Variants in ADGRD1 observed in about 807,000 individuals in gnomAD.
ADGRD1 encodes G-protein coupled receptor 133.
ADGRD1 carries 77 observed loss-of-function variants against 113.4 expected under a neutral mutation model. The observed-to-expected ratio is 0.68, with a 90% CI of 0.57 to 0.82. ADGRD1 has a LOEUF of 0.82. Among genes scored for constraint, ADGRD1 ranks in the 40% least tolerant of loss-of-function variants. The pLI is 0.00. For missense variants in ADGRD1, 1,036 were observed against 1,139.1 expected, an observed-to-expected ratio of 0.91 and a Z score of 1.30; for synonymous variants, 474 against 475.0, an observed-to-expected ratio of 1.00 and a Z score of 0.03.
chr12:131,076,935 T>A, intron 14 of ADGRD1, 61 bp downstream of exon 14: 1 of 1,356,166 alleles, frequency 7.4e-7, no homozygotes, highest in Non-Finnish European at 1.1e-6. Flanking sequence ...GCCCGCCCCA[T>A]GCCAGCCCAG....
intron 11 of ADGRD1, among the ~76,000 whole-genome samples, chr12:131,005,635 C>T (rs1876988098): frequency 6.6e-6 from 1 of 152,020 alleles, no homozygotes; most frequent in Admixed American, 6.6e-5. Flanking sequence ...TGCAGGGGCT[C>T]TGAGACTGTG....
At position 131,005,983 on chromosome 12, in the gene ADGRD1, G is replaced by A. The variant is rs1438361387; in HGVS notation, c.1267G>A (p.Val423Ile). 12 of 1,611,496 alleles carry A rather than the reference G, an allele frequency of 7.4e-6. No homozygotes were observed. The highest frequency in any genetic ancestry group is 5.3e-5 in the African/African-American group (4 of 74,896). Residue 423 changes from valine (V) to isoleucine (I), a missense_variant, in exon 12 of 25, where the codon GTC becomes ATC. Physicochemically the swap from Val to Ile is conservative, Grantham distance 29. Coordinates refer to ENST00000261654, the MANE Select transcript of ADGRD1 (RefSeq NM_198827.5). ...TGCTCTCTCTGCAGCCTGGAGCACC[G>A]TCGTGGGTCTGCTGTACCACAGCAT... ...EAFHRHAWST[V>I]VGLLYHSMHY...
rs888425136 is a variant in ADGRD1, at chr12:131,015,444, A to G, written c.1473+1104A>G. Among the ~76,000 whole-genome samples, 10 of 148,510 alleles carry G rather than the reference A, an allele frequency of 6.7e-5. 1 individual carries two copies. Among genetic ancestry groups the G allele is most frequent in the African/African-American group, 2.3e-4 (9 of 39,090 alleles). ...GACGGGACTGGATATAGAGATGGAG[A>G]TGGAGAGGGGACTGGAGATGTTGGA... On this transcript the variant is annotated intron_variant, in intron 13 of 24. Coordinates refer to ENST00000261654, the MANE Select transcript of ADGRD1 (RefSeq NM_198827.5).
chr12:130,984,349 C>G lies in ADGRD1; in HGVS notation c.490+2286C>G, dbSNP rs1432730129. 6.6e-6 allele frequency among the ~76,000 whole-genome samples: 1 copy of G among 152,222 alleles called. No individual in the cohort carries two copies. Among genetic ancestry groups the G allele is most frequent in the African/African-American group, 2.4e-5 (1 of 41,450 alleles). On this transcript the variant is annotated intron_variant, in intron 5 of 24. Coordinates refer to ENST00000261654, the MANE Select transcript of ADGRD1 (RefSeq NM_198827.5). The surrounding 1 kb of genome is among the most constrained non-coding windows in gnomAD (Gnocchi z 4.1). ...GGGGCAGCCGCCCTTCCACGCACTGCAGTCAGCACAGAAGCCACGTCCTCA... is the reference window on the plus strand; with the variant it reads ...GGGGCAGCCGCCCTTCCACGCACTGGAGTCAGCACAGAAGCCACGTCCTCA...
chr12:131,107,493 C>T (rs1342040746), intron 17 of ADGRD1, among the ~76,000 whole-genome samples: 3 of 151,030 alleles, frequency 2.0e-5, no homozygotes, highest in Non-Finnish European at 4.4e-5. Context: ...TCCCAGAGAC[C>T]CGTGTCTGAA....
intron 12 of ADGRD1, among the ~76,000 whole-genome samples, chr12:131,008,793 G>C (rs12304731): frequency 0.077 from 11,796 of 152,284 alleles, 1,321 homozygotes; most frequent in African/African-American, 0.25. Flanking sequence ...CCTGCTCCCA[G>C]TCCTCCTGTG....
chr12:131,101,378 T>TTC (rs1950079389), intron 15 of ADGRD1, among the ~76,000 whole-genome samples: 1 of 9,976 alleles, frequency 1.0e-4, no homozygotes, highest in African/African-American at 2.5e-4. Context: ...TCTTTCTTTC[T>TTC]TTTTTTTTTT....
intron 9 of ADGRD1, among the ~76,000 whole-genome samples, chr12:131,001,454 G>A (rs1876381773): frequency 6.6e-6 from 1 of 152,094 alleles, no homozygotes; most frequent in South Asian, 2.1e-4. Flanking sequence ...ACTTATATAT[G>A]TATTCAACAG....
Position 131,139,474 on chromosome 12 carries a change from C to G in ADGRD1, c.*211C>G. On this transcript the variant is annotated 3_prime_UTR_variant, in exon 25 of 25. Coordinates refer to ENST00000261654, the MANE Select transcript of ADGRD1 (RefSeq NM_198827.5). ...GATGCCCAGGCCAGCGTGGGCCCTC[C>G]TGCCTTGCATCCACCCGTGGGCTGA... 1 of 555,928 alleles carries G rather than the reference C, an allele frequency of 1.8e-6. No individual in the cohort carries two copies. Among genetic ancestry groups the G allele is most frequent in the Non-Finnish European group, 3.3e-6 (1 of 307,114 alleles). The allele number at this position is 555,928 out of a possible 1,614,324, so 34.4% of individuals were successfully genotyped here.
chr12:130,959,506 G>C (rs964473931), intron 2 of ADGRD1, among the ~76,000 whole-genome samples: 3 of 152,284 alleles, frequency 2.0e-5, no homozygotes, highest in Non-Finnish European at 4.4e-5. Context: ...AGAAGTTTAA[G>C]GCTGCAGTGA....
chr12:130,994,292 C>T (rs1011797871), intron 8 of ADGRD1: 1 of 446,768 alleles, frequency 2.2e-6, no homozygotes, highest in African/African-American at 2.0e-5. Flanking sequence ...AATACGAACA[C>T]TCTTGTTTTT....
intron 13 of ADGRD1, among the ~76,000 whole-genome samples, chr12:131,064,504 G>T (rs1043526868): frequency 2.6e-5 from 4 of 152,172 alleles, no homozygotes; most frequent in African/African-American, 9.7e-5. Context: ...ATTGAAGACT[G>T]GGGCTATATT....
intron 15 of ADGRD1, among the ~76,000 whole-genome samples, chr12:131,102,761 A>G (rs1406672387): frequency 6.6e-6 from 1 of 152,214 alleles, no homozygotes; most frequent in African/African-American, 2.4e-5. Context: ...TCAGAGGTCA[A>G]CAGCCTGAAG....
rs150252123 is a variant in ADGRD1 at position 131,020,776 on chromosome 12, C to T, written c.1473+6436C>T. Among the ~76,000 whole-genome samples the T allele has an allele frequency of 2.3e-3, 357 of 152,352 alleles. 2 individuals are homozygous for T. Among genetic ancestry groups the T allele is most frequent in the Non-Finnish European group, 3.9e-3 (263 of 68,032 alleles). ...TGGGCACCTCCTCAAACTAGGCCCT[C>T]CTCTAGGTGTGGCTCTCAGGGGCCA... On this transcript the variant is annotated intron_variant, in intron 13 of 24. Coordinates refer to ENST00000261654, the MANE Select transcript of ADGRD1 (RefSeq NM_198827.5).
At chr12:131,033,122 C>T (rs922835029) in intron 13 of ADGRD1, among the ~76,000 whole-genome samples, 1 of 152,248 alleles carries the variant, frequency 6.6e-6, no homozygotes, top group Non-Finnish European at 1.5e-5. Context: ...AGGCAGTGCC[C>T]TGGGTCTCCT....
chr12:131,125,869 A>G (rs555141506), intron 20 of ADGRD1, among the ~76,000 whole-genome samples: 1 of 152,368 alleles, frequency 6.6e-6, no homozygotes, highest in African/African-American at 2.4e-5. Context: ...GCCTCTTTAT[A>G]ATGCAATGTT....
At chr12:131,065,612 C>T (rs533553201) in intron 13 of ADGRD1, among the ~76,000 whole-genome samples, 1 of 152,174 alleles carries the variant, frequency 6.6e-6, no homozygotes, top group South Asian at 2.1e-4. Context: ...CACCCAGGCT[C>T]TGGGTCCCTT....
intron 18 of ADGRD1, among the ~76,000 whole-genome samples, chr12:131,112,003 G>A (rs935362942): frequency 9.9e-5 from 15 of 151,864 alleles, no homozygotes; most frequent in African/African-American, 3.6e-4. Context: ...TGGTTTCTTT[G>A]TATATCTCAT....
rs892057231 is a variant in ADGRD1 at position 131,084,219 on chromosome 12, C to G, written c.1548-321C>G. Among the ~76,000 whole-genome samples, 2 of 152,138 alleles carry G rather than the reference C, an allele frequency of 1.3e-5. No individual in the cohort carries two copies. Among genetic ancestry groups the G allele is most frequent in the African/African-American group, 4.8e-5 (2 of 41,426 alleles). On this transcript the variant is annotated intron_variant, in intron 14 of 24. Transcript: ENST00000261654. The surrounding 1 kb of genome is among the most constrained non-coding windows in gnomAD (Gnocchi z 4.5). ...TAGGCGCAGGGCTGTGGGCCATGTGCGTTTCATTTTGTGCTGGGCTTGGTC... is the reference window on the plus strand; with the variant it reads ...TAGGCGCAGGGCTGTGGGCCATGTGGGTTTCATTTTGTGCTGGGCTTGGTC...
Sources: gnomAD v4.1 joint callset for allele counts (sites outside exome capture counted in the v4.1 genomes callset) on GRCh38, gnomAD v4.1.1 for gene constraint, Gnocchi (gnomAD v3.1) non-coding constraint, MANE v1.5 for transcripts, NCBI Gene and HGNC (gene_info 2026-07-23, HGNC 2026-07-21) for gene names.